Variants in SEPTIN10 observed in about 807,000 individuals in gnomAD.
SEPTIN10 encodes septin 10.
In SEPTIN10, 66 loss-of-function variants were observed where a neutral mutation model predicts 54.8. The ratio of observed to expected loss-of-function variants is 1.21; its 90% CI spans 0.99 to 1.48. The LOEUF (loss-of-function observed/expected upper bound fraction) is 1.48. SEPTIN10 is among the 40% of genes most tolerant of loss of function. The pLI is 0.00. For missense variants in SEPTIN10, 620 were observed against 545.6 expected (o/e 1.14, Z -1.36); for synonymous variants, 161 against 181.0 (o/e 0.89, Z 0.89).
At chr2:109,562,304 C>T (rs968733002) in intron 8 of SEPTIN10, among the ~76,000 whole-genome samples, 1 of 151,846 alleles carries the variant, frequency 6.6e-6, no homozygotes, top group African/African-American at 2.4e-5. Context: ...CTCTCTTTCA[C>T]GCCTCCATCT....
chr2:109,572,451 A>G (rs1179301722), intron 5 of SEPTIN10, among the ~76,000 whole-genome samples: 2 of 151,802 alleles, frequency 1.3e-5, no homozygotes, highest in African/African-American at 4.8e-5. Context: ...TATTTTATAT[A>G]TGAAAAATTG....
At chr2:109,607,722 A>G (rs1424269114) in intron 1 of SEPTIN10, among the ~76,000 whole-genome samples, 1 of 152,138 alleles carries the variant, frequency 6.6e-6, no homozygotes, top group Non-Finnish European at 1.5e-5. Flanking sequence ...TGAAAAAGGC[A>G]AAGTTTAGTC....
At chr2:109,571,016 G>A (rs942062545) in intron 5 of SEPTIN10, among the ~76,000 whole-genome samples, 1 of 152,160 alleles carries the variant, frequency 6.6e-6, no homozygotes, top group Non-Finnish European at 1.5e-5. Flanking sequence ...CATGGGGACA[G>A]AGTTGTCCCT....
At chr2:109,545,422 T>A (rs1680929107) in intron 10 of SEPTIN10, 1 of 1,536,020 alleles carries the variant, frequency 6.5e-7, no homozygotes, top group East Asian at 2.4e-5. Flanking sequence ...ATCCACATGC[T>A]ACTCATGGCT....
At chr2:109,544,497 C>T (rs1680680035) in intron 10 of SEPTIN10, 173 bp from the exon 11 acceptor site, 5 of 985,142 alleles carry the variant, frequency 5.1e-6, no homozygotes, top group Non-Finnish European at 6.0e-6. Flanking sequence ...TTCTAGAGAG[C>T]TCTCAAAAAA....
At chr2:109,564,655 TTTGA>T (rs1162117692) in intron 7 of SEPTIN10, 121 bp from the exon 8 acceptor site, 4 of 840,774 alleles carry the variant, frequency 4.8e-6, no homozygotes, top group African/African-American at 1.7e-5. Flanking sequence ...AAATGATCAG[TTTGA>T]TTAACAGCTA....
intron 4 of SEPTIN10, among the ~76,000 whole-genome samples, chr2:109,583,116 G>A (rs1480996336): frequency 1.3e-5 from 2 of 152,204 alleles, no homozygotes; most frequent in South Asian, 4.1e-4. Flanking sequence ...CATTGGCCTT[G>A]GAAAAGAATT....
At chr2:109,593,018 A>AT in intron 2 of SEPTIN10, 33 bp downstream of exon 2, 10 of 1,424,782 alleles carry the variant, frequency 7.0e-6, no homozygotes, top group Non-Finnish European at 9.5e-6. Flanking sequence ...CATTTAGAGT[A>AT]CAATATGGTA....
intron 1 of SEPTIN10, among the ~76,000 whole-genome samples, chr2:109,611,735 C>T (rs1034987894): frequency 5.3e-5 from 8 of 152,142 alleles, no homozygotes; most frequent in African/African-American, 1.9e-4. Context: ...CCACTGCACT[C>T]TAGCCTGGGT....
chr2:109,576,956 C>T (rs974017911), intron 4 of SEPTIN10, among the ~76,000 whole-genome samples: 11 of 152,182 alleles, frequency 7.2e-5, no homozygotes, highest in African/African-American at 9.6e-5. Context: ...AAAGAACTGA[C>T]GGACACACTA....
chr2:109,583,001 A>G (rs1691588856), intron 4 of SEPTIN10, among the ~76,000 whole-genome samples: 1 of 152,184 alleles, frequency 6.6e-6, no homozygotes, highest in South Asian at 2.1e-4. Context: ...CTGGACCCCT[A>G]TGTTTTACCA....
chr2:109,613,147 T>C (rs1385751660), intron 1 of SEPTIN10: 2 of 1,287,108 alleles, frequency 1.6e-6, no homozygotes, highest in African/African-American at 1.5e-5. Context: ...TACACGACCT[T>C]GGTACTATTA....
At chr2:109,585,449 A>G in intron 3 of SEPTIN10, 128 bp from the exon 4 acceptor site, 1 of 780,390 alleles carries the variant, frequency 1.3e-6, no homozygotes, top group South Asian at 1.9e-5. Flanking sequence ...AAAGAAATAC[A>G]CACTACGGCT....
At chr2:109,545,579 G>A (rs1170576165) in intron 10 of SEPTIN10, 1 of 1,534,332 alleles carries the variant, frequency 6.5e-7, no homozygotes. Flanking sequence ...ATCAGTATCA[G>A]TAGAATTTGT....
chr2:109,579,095 A>G (rs1690466481), intron 4 of SEPTIN10, among the ~76,000 whole-genome samples: 1 of 152,210 alleles, frequency 6.6e-6, no homozygotes, highest in Non-Finnish European at 1.5e-5. Flanking sequence ...GAAAGACAGA[A>G]TATCATTACA....
At chr2:109,570,214 G>A (rs1210229974) in intron 5 of SEPTIN10, among the ~76,000 whole-genome samples, 4 of 152,182 alleles carry the variant, frequency 2.6e-5, no homozygotes, top group Admixed American at 1.3e-4. Flanking sequence ...CTCATCAACT[G>A]AATAAGGCAG....
chr2:109,574,582 T>A lies in SEPTIN10; in HGVS notation c.599A>T (p.Lys200Met), dbSNP rs749945195. The A allele has an allele frequency of 6.6e-7, 1 of 1,518,364 alleles. No individual in the cohort carries two copies. The highest frequency in any genetic ancestry group is 8.8e-7 in the Non-Finnish European group (1 of 1,134,678). 94.1% of individuals were successfully genotyped at this position (1,518,364 alleles called of 1,614,324 possible). A position where few individuals can be genotyped will look rare whatever the true frequency, so the allele number is the denominator to read the frequency against. ...DLLTMKNLDSKVNIIPVIAKA... is the reference protein window; with the variant it reads ...DLLTMKNLDSMVNIIPVIAKA... ...AGTTGATTCCTTTCCTCAACCCACC[T>A]TGCTGTCAAGGTTCTTCATGGTTAA... Residue 200 changes from lysine to methionine, a missense_variant and splice_region_variant, in exon 5 of 11, where the codon AAG becomes ATG. Lys to Met is a moderately conservative substitution (Grantham distance 95). Coordinates refer to ENST00000397712, the MANE Select transcript of SEPTIN10 (RefSeq NM_144710.5).
intron 1 of SEPTIN10, among the ~76,000 whole-genome samples, chr2:109,610,992 C>T (rs7568492): frequency 0.15 from 22,544 of 152,148 alleles, 2,226 homozygotes; most frequent in Non-Finnish European, 0.22. Flanking sequence ...ATCAAGACTG[C>T]GTGCTAACGG....
intron 2 of SEPTIN10, among the ~76,000 whole-genome samples, chr2:109,586,586 A>G (rs143340024): frequency 2.4e-4 from 36 of 152,348 alleles, no homozygotes; most frequent in African/African-American, 8.7e-4. Context: ...ACTCCACTCA[A>G]ATCCATGGCT....
Sources: gnomAD v4.1 joint callset for allele counts (sites outside exome capture counted in the v4.1 genomes callset) on GRCh38, gnomAD v4.1.1 for gene constraint, MANE v1.5 for transcripts, NCBI Gene and HGNC (gene_info 2026-07-23, HGNC 2026-07-21) for gene names.